MAPK4: variants seen among roughly 807,000 people sequenced by gnomAD.
The protein encoded by MAPK4 is mitogen-activated protein kinase 4.
A neutral mutation model predicts 47.7 loss-of-function variants in MAPK4; 22 were observed. That is an observed-to-expected ratio of 0.46 (90% CI 0.33 to 0.66). The LOEUF (loss-of-function observed/expected upper bound fraction) is 0.66, where lower values mean the gene tolerates loss of function less well. MAPK4 is among the 30% of genes least tolerant of loss of function. The pLI is 0.02. For missense variants in MAPK4, 736 were observed against 831.7 expected, an observed-to-expected ratio of 0.88 and a Z score of 1.42; for synonymous variants, 390 against 365.7, an observed-to-expected ratio of 1.07 and a Z score of -0.76.
At chr18:50,654,716 C>A (rs1051798297) in intron 1 of MAPK4, among the ~76,000 whole-genome samples, 6 of 152,198 alleles carry the variant, frequency 3.9e-5, no homozygotes, top group Admixed American at 6.5e-5. Context: ...TGGGCAGGGG[C>A]CTTTGTGCAG....
At chr18:50,672,444 TGA>T (rs1908009930) in intron 2 of MAPK4, among the ~76,000 whole-genome samples, 1 of 152,200 alleles carries the variant, frequency 6.6e-6, no homozygotes, top group African/African-American at 2.4e-5. Flanking sequence ...AGGCTGTACT[TGA>T]GAGTCAGGTG....
At chr18:50,694,253 C>T (rs978194535) in intron 2 of MAPK4, among the ~76,000 whole-genome samples, 2 of 152,114 alleles carry the variant, frequency 1.3e-5, no homozygotes, top group African/African-American at 4.8e-5. Context: ...GAGGACAGCC[C>T]TAGATGACTC....
chr18:50,675,316 A>ATTT (rs543288077), intron 2 of MAPK4, among the ~76,000 whole-genome samples: 2 of 128,426 alleles, frequency 1.6e-5, no homozygotes, highest in Admixed American at 7.8e-5. Context: ...TTGGCAAACC[A>ATTT]TTTTTTTTTT....
intron 3 of MAPK4, among the ~76,000 whole-genome samples, chr18:50,719,613 T>C (rs1910826073): frequency 6.6e-6 from 1 of 152,088 alleles, no homozygotes; most frequent in South Asian, 2.1e-4. Flanking sequence ...GGGTCATAGG[T>C]GCCTGGCTGC....
At chr18:50,591,052 CT>C (rs1343374393) in intron 1 of MAPK4, among the ~76,000 whole-genome samples, 1 of 152,158 alleles carries the variant, frequency 6.6e-6, no homozygotes, top group South Asian at 2.1e-4. Flanking sequence ...CGTGATAATG[CT>C]TATTCAAATT....
At chr18:50,714,127 G>T (rs1910511441) in intron 2 of MAPK4, among the ~76,000 whole-genome samples, 2 of 152,200 alleles carry the variant, frequency 1.3e-5, no homozygotes, top group Non-Finnish European at 2.9e-5. Flanking sequence ...AAACTGCGAA[G>T]TAAAAGACCA....
At chr18:50,634,226 G>A (rs1305480882) in intron 1 of MAPK4, among the ~76,000 whole-genome samples, 2 of 152,114 alleles carry the variant, frequency 1.3e-5, no homozygotes, top group African/African-American at 4.8e-5. Context: ...AAAGGGGCAG[G>A]ATGTCAGCAC....
At chr18:50,673,592 C>T (rs188899384) in intron 2 of MAPK4, among the ~76,000 whole-genome samples, 279 of 152,308 alleles carry the variant, frequency 1.8e-3, no homozygotes, top group Non-Finnish European at 3.2e-3. Flanking sequence ...CGGTGGCTCA[C>T]GCCTGTAATC....
At chr18:50,707,465 G>A (rs1483594449) in intron 2 of MAPK4, among the ~76,000 whole-genome samples, 1 of 151,792 alleles carries the variant, frequency 6.6e-6, no homozygotes, top group Non-Finnish European at 1.5e-5. Context: ...AGTCACTCTG[G>A]GGGGTTAAAG....
At chr18:50,595,769 CT>C (rs1360919690) in intron 1 of MAPK4, among the ~76,000 whole-genome samples, 1 of 152,138 alleles carries the variant, frequency 6.6e-6, no homozygotes, top group African/African-American at 2.4e-5. Context: ...GTTTTTTATT[CT>C]CATGATTTGA....
At chr18:50,632,311 G>T (rs528901581) in intron 1 of MAPK4, among the ~76,000 whole-genome samples, 3 of 152,272 alleles carry the variant, frequency 2.0e-5, no homozygotes, top group Admixed American at 2.0e-4. Flanking sequence ...TCTTCAGTGA[G>T]GGGAGGCCAA....
chr18:50,563,198 G>A (rs941830900), intron 1 of MAPK4, among the ~76,000 whole-genome samples: 2 of 152,158 alleles, frequency 1.3e-5, no homozygotes, highest in African/African-American at 4.8e-5. Context: ...CATAAGAAAA[G>A]GGGGAAAAAC....
chr18:50,565,758 A>G (rs1264902414), intron 1 of MAPK4, among the ~76,000 whole-genome samples: 1 of 152,236 alleles, frequency 6.6e-6, no homozygotes, highest in Non-Finnish European at 1.5e-5. Context: ...TCAGTACAGT[A>G]AGCATGCTGT....
intron 1 of MAPK4, among the ~76,000 whole-genome samples, chr18:50,614,149 A>G (rs2042663625): frequency 6.6e-6 from 1 of 152,172 alleles, no homozygotes; most frequent in East Asian, 1.9e-4. Context: ...TAACATATAC[A>G]TATAATTCAT....
intron 2 of MAPK4, among the ~76,000 whole-genome samples, chr18:50,673,223 G>A (rs575250790): frequency 6.6e-6 from 1 of 152,314 alleles, no homozygotes; most frequent in Non-Finnish European, 1.5e-5. Flanking sequence ...GTTGCCGTGA[G>A]CCGAGATTGC....
chr18:50,606,165 G>C (rs933325090), intron 1 of MAPK4, among the ~76,000 whole-genome samples: 1 of 152,126 alleles, frequency 6.6e-6, no homozygotes, highest in East Asian at 1.9e-4. Context: ...GGAGAACCCC[G>C]CCTGCCACTG....
In MAPK4 at chr18:50,628,225, C is replaced by T. The variant is rs147017961; in HGVS notation, c.-870-34864C>T. 1.8e-3 allele frequency among the ~76,000 whole-genome samples: 269 copies of T among 152,270 alleles called. 1 individual carries two copies. The highest frequency in any genetic ancestry group is 6.2e-3 in the African/African-American group (257 of 41,560). ...ATTAATAAAACAGCCTTGAAGCAAC[C>T]GCCAAAATGTGTACAAATCATGAAG... On this transcript the variant is annotated intron_variant, in intron 1 of 5. Coordinates refer to ENST00000400384, the MANE Select transcript of MAPK4 (RefSeq NM_002747.4).
At chr18:50,722,529 T>A (rs918594234) in intron 4 of MAPK4, among the ~76,000 whole-genome samples, 1 of 151,930 alleles carries the variant, frequency 6.6e-6, no homozygotes, top group Non-Finnish European at 1.5e-5. Flanking sequence ...TCAGGCTTAC[T>A]CCCTCTACTG....
At chr18:50,660,783 A>G (rs1256560005) in intron 1 of MAPK4, among the ~76,000 whole-genome samples, 1 of 152,100 alleles carries the variant, frequency 6.6e-6, no homozygotes, top group Non-Finnish European at 1.5e-5. Context: ...GGGAAGATAC[A>G]AGCAAAAAAG....
Sources: gnomAD v4.1 joint callset for allele counts (sites outside exome capture counted in the v4.1 genomes callset) on GRCh38, gnomAD v4.1.1 for gene constraint, MANE v1.5 for transcripts, NCBI Gene and HGNC (gene_info 2026-07-23, HGNC 2026-07-21) for gene names.